The following DOK6 variants were observed in gnomAD, a reference collection of about 807,000 sequenced individuals.
DOK6 encodes the protein docking protein 6, also known as downstream of tyrosine kinase 6.
A neutral mutation model predicts 44.0 loss-of-function variants in DOK6; 22 were observed. That is an observed-to-expected ratio of 0.50 (90% confidence interval 0.36 to 0.71). The LOEUF (loss-of-function observed/expected upper bound fraction) is 0.71, where lower values mean the gene tolerates loss of function less well. Ranked by LOEUF, DOK6 falls within the 30% of genes least tolerant of loss-of-function variation. The pLI, the probability that DOK6 is intolerant of heterozygous loss-of-function variation, is 0.00. For missense variants in DOK6, 340 were observed against 416.4 expected, an observed-to-expected ratio of 0.82 and a Z score of 1.60; for synonymous variants, 166 against 145.5, an observed-to-expected ratio of 1.14 and a Z score of -1.01.
intron 5 of DOK6, among the ~76,000 whole-genome samples, chr18:69,705,497 T>G (rs1986613937): frequency 6.6e-6 from 1 of 152,090 alleles, no homozygotes; most frequent in Non-Finnish European, 1.5e-5. Flanking sequence ...CAGCACTCAC[T>G]TAATTAGATA....
chr18:69,632,011 C>T (rs1236284241), intron 3 of DOK6, among the ~76,000 whole-genome samples: 1 of 152,180 alleles, frequency 6.6e-6, no homozygotes, highest in East Asian at 1.9e-4. Flanking sequence ...TTCTTGACTA[C>T]ATGACTATTG....
intron 6 of DOK6, among the ~76,000 whole-genome samples, chr18:69,745,343 T>C (rs756317082): frequency 6.6e-6 from 1 of 152,212 alleles, no homozygotes; most frequent in Non-Finnish European, 1.5e-5. Flanking sequence ...AGGATAGTTT[T>C]CTTAAATGAA....
In DOK6 at chr18:69,677,956, T is replaced by A. The variant is rs1289240015; in HGVS notation, c.409+103T>A. 5 of 1,452,758 alleles carry A rather than the reference T, an allele frequency of 3.4e-6. No homozygotes were observed. In the African/African-American group the frequency reaches 4.3e-5, roughly 12 times the overall value. 90.0% of individuals were successfully genotyped at this position (1,452,758 alleles called of 1,614,324 possible). A position where few individuals can be genotyped will look rare whatever the true frequency, so the allele number is the denominator to read the frequency against. On this transcript the variant is annotated intron_variant, in intron 4 of 7. Coordinates refer to ENST00000382713, the MANE Select transcript of DOK6 (RefSeq NM_152721.6). ...AATGTTTCAGACCAATCATATTTTT[T>A]AAATCAAAAAGGCCGAGTGCAGTGG...
At chr18:69,659,316 A>G (rs75749156) in intron 3 of DOK6, among the ~76,000 whole-genome samples, 2,665 of 152,322 alleles carry the variant, frequency 0.017, 99 homozygotes, top group East Asian at 0.13. Context: ...TGTGCCTCCA[A>G]ATGGTTCAAA....
chr18:69,731,204 A>G (rs1008950444), intron 5 of DOK6, among the ~76,000 whole-genome samples: 1 of 152,204 alleles, frequency 6.6e-6, no homozygotes, highest in South Asian at 2.1e-4. Flanking sequence ...ATATACATTT[A>G]TGTAATCATC....
chr18:69,468,073 C>A (rs370141743), intron 1 of DOK6, among the ~76,000 whole-genome samples: 8 of 152,198 alleles, frequency 5.3e-5, no homozygotes, highest in African/African-American at 1.7e-4. Flanking sequence ...ATTATTAATT[C>A]GTCATTTATC....
intron 3 of DOK6, among the ~76,000 whole-genome samples, chr18:69,671,127 A>G (rs912145725): frequency 3.3e-5 from 5 of 152,122 alleles, no homozygotes; most frequent in African/African-American, 1.2e-4. Context: ...GTATTAAAGA[A>G]TTTTACAATG....
At chr18:69,738,842 C>T in intron 5 of DOK6, 123 bp from the exon 6 acceptor site, 1 of 1,222,938 alleles carries the variant, frequency 8.2e-7, no homozygotes, top group Non-Finnish European at 1.1e-6. Flanking sequence ...CTGAATCAGC[C>T]TCACTAACTC....
intron 3 of DOK6, among the ~76,000 whole-genome samples, chr18:69,625,635 G>A (rs1984541656): frequency 6.6e-6 from 1 of 152,262 alleles, no homozygotes; most frequent in South Asian, 2.1e-4. Flanking sequence ...GTAAAAGCAG[G>A]TATCTTAATT....
At position 69,805,881 on chromosome 18, in the gene DOK6, C is replaced by T. The variant is rs371927098; in HGVS notation, c.857-35363C>T. Among the ~76,000 whole-genome samples the T allele has an allele frequency of 3.6e-4, 54 of 151,884 alleles. No individual in the cohort carries two copies. The East Asian group carries it at 5.2e-3, about 15-fold the overall frequency. ...TGAATGGTGCCTATCCTTTCAAACCCGTTTTTTACTTTATTATGACAGTAA... is the reference window on the plus strand; with the variant it reads ...TGAATGGTGCCTATCCTTTCAAACCTGTTTTTTACTTTATTATGACAGTAA... On this transcript the variant is annotated intron_variant, in intron 7 of 7. Transcript: ENST00000382713.
In DOK6 at chr18:69,598,305, TTG is replaced by T. The variant is rs895899551; in HGVS notation, c.175-1075_175-1074del. On this transcript the variant is annotated intron_variant, in intron 2 of 7. Coordinates refer to ENST00000382713, the MANE Select transcript of DOK6 (RefSeq NM_152721.6). ...ATATAAATATGCATGTGGTTAATTA[TTG>T]TGTTTATAAAAATATTAATCAGCAA... Among the ~76,000 whole-genome samples the T allele has an allele frequency of 3.3e-5, 5 of 151,752 alleles. No individual in the cohort carries two copies. In the East Asian group the frequency reaches 7.7e-4, roughly 23 times the overall value.
intron 1 of DOK6, among the ~76,000 whole-genome samples, chr18:69,471,932 A>T (rs1980125161): frequency 1.3e-5 from 2 of 152,154 alleles, no homozygotes; most frequent in Non-Finnish European, 2.9e-5. Context: ...CTTATCCCCT[A>T]GCACAGTTAC....
chr18:69,814,297 A>G (rs1273210033), intron 7 of DOK6, among the ~76,000 whole-genome samples: 2 of 152,158 alleles, frequency 1.3e-5, no homozygotes, highest in African/African-American at 4.8e-5. Flanking sequence ...AGTGCAACCA[A>G]AGTGTATGTG....
chr18:69,401,730 G>A (rs562327087), intron 1 of DOK6, among the ~76,000 whole-genome samples: 3 of 152,220 alleles, frequency 2.0e-5, no homozygotes, highest in East Asian at 1.9e-4. Flanking sequence ...CCATTTTCTG[G>A]TCTCCGCTTC....
At chr18:69,515,483 T>A (rs1418674733) in intron 1 of DOK6, among the ~76,000 whole-genome samples, 1 of 152,176 alleles carries the variant, frequency 6.6e-6, no homozygotes, top group Non-Finnish European at 1.5e-5. Context: ...AGAGTGTCAT[T>A]GCCATAAAGC....
chr18:69,797,654 A>C (rs1023040302), intron 7 of DOK6, among the ~76,000 whole-genome samples: 2 of 151,824 alleles, frequency 1.3e-5, no homozygotes, highest in Non-Finnish European at 2.9e-5. Flanking sequence ...TTGCCATAAC[A>C]TTTTTTTCCT....
At chr18:69,779,596 AC>A (rs1359816807) in intron 7 of DOK6, among the ~76,000 whole-genome samples, 1 of 152,074 alleles carries the variant, frequency 6.6e-6, no homozygotes, top group Non-Finnish European at 1.5e-5. Context: ...ATCCCAAGTT[AC>A]TACTCTTTTG....
chr18:69,452,272 A>G (rs1160639914), intron 1 of DOK6, among the ~76,000 whole-genome samples: 2 of 150,362 alleles, frequency 1.3e-5, no homozygotes, highest in East Asian at 2.0e-4. Flanking sequence ...CCATCAGAGA[A>G]TACTACAAAC....
chr18:69,542,061 C>A (rs922863396), intron 1 of DOK6, among the ~76,000 whole-genome samples: 1 of 151,366 alleles, frequency 6.6e-6, no homozygotes, highest in Non-Finnish European at 1.5e-5. Flanking sequence ...GTGTGGATGG[C>A]CTTGTGTGTG....
Sources: allele counts gnomAD v4.1 joint callset (sites outside exome capture counted in the v4.1 genomes callset), GRCh38; gene constraint gnomAD v4.1.1; transcripts MANE v1.5; gene names NCBI Gene and HGNC (gene_info 2026-07-23, HGNC 2026-07-21).